PLXNA2: variants seen among roughly 807,000 people sequenced by gnomAD.
PLXNA2 encodes the protein plexin A2.
PLXNA2 carries 91 observed loss-of-function variants against 193.5 expected under a neutral mutation model. That is an observed-to-expected ratio of 0.47 (90% confidence interval 0.40 to 0.56). PLXNA2 has a LOEUF of 0.56. Among genes scored for constraint, PLXNA2 ranks in the 20% least tolerant of loss-of-function variants. PLXNA2 has a pLI of 0.00. For synonymous variants in PLXNA2, 997 were observed against 1,027.3 expected, an observed-to-expected ratio of 0.97 and a Z score of 0.56; for missense variants, 1,995 against 2,503.2, an observed-to-expected ratio of 0.80 and a Z score of 4.33.
At chr1:208,134,638 T>G (rs530968401) in intron 4 of PLXNA2, among the ~76,000 whole-genome samples, 1 of 152,038 alleles carries the variant, frequency 6.6e-6, no homozygotes, top group African/African-American at 2.4e-5. Flanking sequence ...TCACATTCCC[T>G]CCTCCCCAGA....
chr1:208,155,140 C>A (rs1057354834), intron 3 of PLXNA2, among the ~76,000 whole-genome samples: 2 of 152,120 alleles, frequency 1.3e-5, no homozygotes, highest in Non-Finnish European at 2.9e-5. Flanking sequence ...AGCGCGAACC[C>A]CTTGCATAGT....
chr1:208,103,013 C>A, intron 5 of PLXNA2, 134 bp downstream of exon 5: 1 of 708,206 alleles, frequency 1.4e-6, no homozygotes, highest in Admixed American at 2.1e-5. Context: ...GCTCTCAACA[C>A]TGAAGCCACG....
At chr1:208,134,200 G>A (rs1419178062) in intron 4 of PLXNA2, among the ~76,000 whole-genome samples, 1 of 152,122 alleles carries the variant, frequency 6.6e-6, no homozygotes, top group Non-Finnish European at 1.5e-5. Flanking sequence ...GGGTGGGTTT[G>A]CATTGCCTTT....
intron 3 of PLXNA2, among the ~76,000 whole-genome samples, chr1:208,162,582 AT>A (rs1017280938): frequency 1.1e-4 from 17 of 152,232 alleles, no homozygotes; most frequent in African/African-American, 4.1e-4. Flanking sequence ...TGAATCCTGC[AT>A]GCTTCTTGAT....
Position 208,024,707 on chromosome 1 carries a change from T to A in PLXNA2, c.*2536A>T, listed in dbSNP as rs1233271808. 6.6e-6 allele frequency: 1 copy of A among 152,218 alleles called. No individual in the cohort carries two copies. Among genetic ancestry groups the A allele is most frequent in the Non-Finnish European group, 1.5e-5 (1 of 68,096 alleles). The allele number at this position is 152,218 out of a possible 1,614,324, so 9.4% of individuals were successfully genotyped here. On this transcript the variant is annotated 3_prime_UTR_variant, in exon 32 of 32. Transcript: ENST00000367033. ...GTCTCCAAAAGTAACTGCTGGGAGATGCCAGGTAGATGCATTGAGTTAAGG... is the reference window on the plus strand; with the variant it reads ...GTCTCCAAAAGTAACTGCTGGGAGAAGCCAGGTAGATGCATTGAGTTAAGG...
intron 12 of PLXNA2, among the ~76,000 whole-genome samples, chr1:208,072,527 T>C (rs562738285): frequency 6.6e-6 from 1 of 152,294 alleles, no homozygotes; most frequent in East Asian, 1.9e-4. Context: ...GCCTCTCCCA[T>C]TAGGCTGAGA....
intron 2 of PLXNA2, among the ~76,000 whole-genome samples, chr1:208,213,864 T>G (rs1279005918): frequency 6.6e-6 from 1 of 152,206 alleles, no homozygotes; most frequent in Non-Finnish European, 1.5e-5. Flanking sequence ...CCCCACTCAC[T>G]GTCACCTCTC....
chr1:208,103,052 T>G (rs1667145815), intron 5 of PLXNA2, 95 bp downstream of exon 5: 8 of 732,956 alleles, frequency 1.1e-5, no homozygotes, highest in South Asian at 1.1e-4. Flanking sequence ...AAGAGGACAA[T>G]TCCTCTCTCT....
At chr1:208,200,577 CTTTTTTTTTT>C (rs36026400) in intron 3 of PLXNA2, among the ~76,000 whole-genome samples, 3 of 113,998 alleles carry the variant, frequency 2.6e-5, no homozygotes, top group South Asian at 2.9e-4. Flanking sequence ...CCCAATCCTT[CTTTTTTTTTT>C]TTTTTTTTTT....
intron 3 of PLXNA2, among the ~76,000 whole-genome samples, chr1:208,179,402 G>A (rs1669767083): frequency 6.6e-6 from 1 of 152,180 alleles, no homozygotes; most frequent in African/African-American, 2.4e-5. Flanking sequence ...CTGCTAGGAG[G>A]TGCAGCCGGG....
intron 3 of PLXNA2, among the ~76,000 whole-genome samples, chr1:208,193,610 T>C (rs563092193): frequency 6.6e-6 from 1 of 152,366 alleles, no homozygotes; most frequent in African/African-American, 2.4e-5. Flanking sequence ...GTTATTATTA[T>C]CTTAGCATTT....
chr1:208,143,582 A>G (rs1668520083), intron 3 of PLXNA2, among the ~76,000 whole-genome samples: 1 of 152,072 alleles, frequency 6.6e-6, no homozygotes, highest in South Asian at 2.1e-4. Context: ...TTAGTTTTCT[A>G]GTTTTCTAGT....
At chr1:208,159,077 T>C (rs1669025096) in intron 3 of PLXNA2, among the ~76,000 whole-genome samples, 1 of 152,164 alleles carries the variant, frequency 6.6e-6, no homozygotes. Flanking sequence ...TACTGAAATA[T>C]GGCAGGTGAC....
At chr1:208,168,724 GTT>G (rs10668701) in intron 3 of PLXNA2, among the ~76,000 whole-genome samples, 22 of 73,192 alleles carry the variant, frequency 3.0e-4, no homozygotes, top group Middle Eastern at 0.011. Context: ...AGTATGCGGG[GTT>G]TTTTTTTTTT....
chr1:208,085,031 G>A (rs941078426), intron 9 of PLXNA2, among the ~76,000 whole-genome samples: 1 of 151,244 alleles, frequency 6.6e-6, no homozygotes, highest in Non-Finnish European at 1.5e-5. Context: ...ACTGAGCTAG[G>A]CTTTCCAGAA....
At position 208,038,401 on chromosome 1, in the gene PLXNA2, C is replaced by G; in HGVS notation, c.4734G>C (p.Trp1578Cys). 1 of 1,613,866 alleles carries G rather than the reference C, an allele frequency of 6.2e-7. No homozygotes were observed. The highest frequency in any genetic ancestry group is 8.5e-7 in the Non-Finnish European group (1 of 1,179,752). ...AATGCATCAGTGTGTTGAGCCGCTTCCAGTCACCCTCAATCTTGGTGGTGA... is the reference window on the plus strand; with the variant it reads ...AATGCATCAGTGTGTTGAGCCGCTTGCAGTCACCCTCAATCTTGGTGGTGA... ...EDITTKIEGD[W>C]KRLNTLMHYQ... is the part of the protein sequence containing the mutation. The change falls in exon 26 of 32, where the codon TGG (tryptophan) becomes TGC (cysteine). Residue 1578 changes from tryptophan to cysteine, a missense_variant. Around this residue, in one of 3 missense-constraint regions of PLXNA2, gnomAD observed 1,291 missense variants for 1,673.6 expected, o/e 0.77. Transcript: ENST00000367033. This position sits in a 1 kb window ranked among gnomAD's most constrained non-coding sequence, Gnocchi z 4.1.
intron 4 of PLXNA2, among the ~76,000 whole-genome samples, chr1:208,132,926 G>T (rs1413654694): frequency 6.6e-6 from 1 of 152,206 alleles, no homozygotes; most frequent in East Asian, 1.9e-4. Flanking sequence ...ATGGCAGTAA[G>T]CAGTAGAGCC....
At chr1:208,084,847 AT>A (rs1319711944) in intron 9 of PLXNA2, among the ~76,000 whole-genome samples, 3 of 152,174 alleles carry the variant, frequency 2.0e-5, no homozygotes, top group Non-Finnish European at 4.4e-5. Context: ...CAAGCTGTGG[AT>A]TTTATCTCCT....
At chr1:208,090,294 G>T (rs1353579750) in intron 9 of PLXNA2, among the ~76,000 whole-genome samples, 2 of 152,184 alleles carry the variant, frequency 1.3e-5, no homozygotes, top group Admixed American at 1.3e-4. Context: ...AAAGGGGACT[G>T]CTCTTCTCTA....
Sources: gnomAD v4.1 joint callset for allele counts (sites outside exome capture counted in the v4.1 genomes callset) on GRCh38, gnomAD v4.1.1 for gene constraint, gnomAD v4.1.1 regional missense constraint, Gnocchi (gnomAD v3.1) non-coding constraint, MANE v1.5 for transcripts, NCBI Gene and HGNC (gene_info 2026-07-23, HGNC 2026-07-21) for gene names.